Variants in NBAS observed in about 807,000 individuals in gnomAD.
NBAS encodes the protein NBAS subunit of NRZ tethering complex, also known as NAG/BC035112 fusion.
Under a neutral mutation model 302.5 loss-of-function variants are expected in NBAS, and 219 were observed. The ratio of observed to expected loss-of-function variants is 0.72; its 90% CI spans 0.65 to 0.81. The LOEUF (loss-of-function observed/expected upper bound fraction) is 0.81, where lower values mean the gene tolerates loss of function less well. Ranked by LOEUF, NBAS falls within the 30% of genes least tolerant of loss-of-function variation. The pLI is 0.00. For missense variants in NBAS, 2,932 were observed against 2,841.6 expected (o/e 1.03, Z -0.72); for synonymous variants, 1,118 against 1,021.6 (o/e 1.09, Z -1.80).
In NBAS at chr2:15,234,763, A is replaced by G. The variant is rs34561027; in HGVS notation, c.5944-16T>C. On this transcript the variant is annotated splice_polypyrimidine_tract_variant and intron_variant, in intron 45 of 51. Transcript: ENST00000281513. ...GCAGTGTTTCCTGTAAAGACATGGTAATCAGCACTTAAGTATCAAATAGAA... is the reference window on the plus strand; with the variant it reads ...GCAGTGTTTCCTGTAAAGACATGGTGATCAGCACTTAAGTATCAAATAGAA... The G allele has an allele frequency of 0.11, 171,196 of 1,610,792 alleles. 12,498 individuals are homozygous for G. Among genetic ancestry groups the G allele is most frequent in the Admixed American group, 0.34 (20,224 of 60,000 alleles).
chr2:15,469,685 T>G (rs577687246), intron 16 of NBAS, among the ~76,000 whole-genome samples: 1 of 152,134 alleles, frequency 6.6e-6, no homozygotes, highest in South Asian at 2.1e-4. Flanking sequence ...ACATCCTGTA[T>G]AGGGACATAG....
chr2:15,445,512 G>T, intron 21 of NBAS, among the ~76,000 whole-genome samples: 1 of 112,192 alleles, frequency 8.9e-6, no homozygotes, highest in Admixed American at 1.0e-4. Flanking sequence ...TTGTGGGGTG[G>T]GGGGAGGGGG....
chr2:15,540,061 G>C (rs1010943323), intron 6 of NBAS, among the ~76,000 whole-genome samples: 16 of 152,184 alleles, frequency 1.1e-4, no homozygotes, highest in African/African-American at 3.6e-4. Flanking sequence ...AGAAGAAAAA[G>C]AGGATGTGAA....
chr2:14,943,790 A>T, the NBAS span, among the ~76,000 whole-genome samples: 7 of 152,158 alleles, frequency 4.6e-5, no homozygotes, highest in African/African-American at 1.7e-4. Flanking sequence ...ATTTTTATTA[A>T]TTTTTTAAAC....
the NBAS span, among the ~76,000 whole-genome samples, chr2:15,034,296 G>GAAAGAAAGAAAGAAAGAAAGAAAGAA: frequency 2.4e-4 from 25 of 102,722 alleles, 1 homozygote; most frequent in Admixed American, 3.7e-4. Flanking sequence ...AAGAAAGAAA[G>GAAAGAAAGAAAGAAAGAAAGAAAGAA]AAAGAAAGAT....
At chr2:15,493,818 T>C (rs1474353643) in intron 11 of NBAS, among the ~76,000 whole-genome samples, 1 of 148,006 alleles carries the variant, frequency 6.8e-6, no homozygotes, top group Non-Finnish European at 1.5e-5. Flanking sequence ...TATATGTAGC[T>C]GCAATTTTCT....
chr2:14,855,826 C>T, the NBAS span, among the ~76,000 whole-genome samples: 4 of 152,296 alleles, frequency 2.6e-5, no homozygotes, highest in East Asian at 1.9e-4. Context: ...TCTGGACCCA[C>T]TTAGGGCTTG....
At chr2:14,834,967 T>G in the NBAS span, among the ~76,000 whole-genome samples, 2 of 151,944 alleles carry the variant, frequency 1.3e-5, no homozygotes. Context: ...ACAGATTACA[T>G]ACAAAGGAAG....
chr2:15,532,216 ATGGTGGCTCACGCC>A (rs1228794312), intron 9 of NBAS, among the ~76,000 whole-genome samples: 2 of 152,142 alleles, frequency 1.3e-5, no homozygotes, highest in East Asian at 3.9e-4. Context: ...TAGGACAGGC[ATGGTGGCTCACGCC>A]TGTAATCCCA....
chr2:15,529,455 G>A (rs1444024871), intron 9 of NBAS, among the ~76,000 whole-genome samples: 1 of 151,978 alleles, frequency 6.6e-6, no homozygotes, highest in Non-Finnish European at 1.5e-5. Context: ...ATCACGCACT[G>A]GACTCCAGCG....
chr2:15,300,583 C>T (rs1259734381), intron 40 of NBAS, among the ~76,000 whole-genome samples: 1 of 152,210 alleles, frequency 6.6e-6, no homozygotes, highest in African/African-American at 2.4e-5. Flanking sequence ...CTCAAGCTGT[C>T]CTGACATGCA....
intron 11 of NBAS, among the ~76,000 whole-genome samples, chr2:15,496,671 G>A (rs535772211): frequency 6.6e-5 from 10 of 151,854 alleles, no homozygotes; most frequent in Admixed American, 5.3e-4. Context: ...GAGAGAGGGA[G>A]GAAGGAAGAA....
At chr2:14,843,133 A>G in the NBAS span, among the ~76,000 whole-genome samples, 3 of 152,192 alleles carry the variant, frequency 2.0e-5, no homozygotes, top group Admixed American at 1.3e-4. Context: ...TATCATAAAA[A>G]CCCTCAACAA....
At chr2:14,894,992 G>T in the NBAS span, among the ~76,000 whole-genome samples, 3 of 152,128 alleles carry the variant, frequency 2.0e-5, no homozygotes, top group Non-Finnish European at 2.9e-5. Flanking sequence ...GAAGGCAAAG[G>T]TTGCAGTGAG....
At chr2:15,332,652 T>C (rs1455889961) in intron 35 of NBAS, among the ~76,000 whole-genome samples, 2 of 151,748 alleles carry the variant, frequency 1.3e-5, no homozygotes, top group Non-Finnish European at 2.9e-5. Flanking sequence ...AAACAACATA[T>C]AAAAATGAAT....
intron 47 of NBAS, among the ~76,000 whole-genome samples, chr2:15,222,686 AAAATAAC>A (rs1666999457): frequency 6.6e-6 from 1 of 152,210 alleles, no homozygotes; most frequent in African/African-American, 2.4e-5. Flanking sequence ...AAAAAAGATA[AAAATAAC>A]TTGTCCAAGG....
chr2:15,060,402 C>T, the NBAS span, among the ~76,000 whole-genome samples: 8 of 152,218 alleles, frequency 5.3e-5, no homozygotes, highest in East Asian at 1.9e-4. Flanking sequence ...TTAATGAACT[C>T]GGTGGACTGC....
At chr2:14,819,035 C>T in the NBAS span, among the ~76,000 whole-genome samples, 1 of 152,232 alleles carries the variant, frequency 6.6e-6, no homozygotes, top group East Asian at 1.9e-4. Flanking sequence ...TGTGCCACTC[C>T]TGTAGGCTCT....
chr2:15,452,785 T>C (rs188500002), intron 21 of NBAS, among the ~76,000 whole-genome samples: 3 of 152,318 alleles, frequency 2.0e-5, no homozygotes, highest in Non-Finnish European at 2.9e-5. Flanking sequence ...ACAGGTTTCC[T>C]TTCCAGATTC....
Sources: gnomAD v4.1 joint callset for allele counts (sites outside exome capture counted in the v4.1 genomes callset) on GRCh38, gnomAD v4.1.1 for gene constraint, MANE v1.5 for transcripts, NCBI Gene and HGNC (gene_info 2026-07-23, HGNC 2026-07-21) for gene names.